The following PTN variants were observed in gnomAD, a reference collection of about 807,000 sequenced individuals.
The protein encoded by PTN is heparin affin regulatory protein.
A neutral mutation model predicts 24.1 loss-of-function variants in PTN; 18 were observed. The ratio of observed to expected loss-of-function variants is 0.75; its 90% CI spans 0.52 to 1.11. The LOEUF is 1.11. PTN is among the 50% of genes least tolerant of loss of function. PTN has a pLI of 0.00. For missense variants in PTN, 163 were observed against 198.8 expected (o/e 0.82, Z 1.08); for synonymous variants, 78 against 68.6 (o/e 1.14, Z -0.67).
intron 1 of PTN, among the ~76,000 whole-genome samples, chr7:137,280,761 A>G (rs1308507687): frequency 1.4e-5 from 2 of 142,602 alleles, no homozygotes; most frequent in African/African-American, 5.1e-5. Context: ...AATCCCAGCT[A>G]CTTGGGAGGC....
At chr7:137,236,160 C>T (rs10260484) in intron 4 of PTN, 19 of 701,916 alleles carry the variant, frequency 2.7e-5, no homozygotes, top group African/African-American at 5.2e-5. Flanking sequence ...CATCAGTAGA[C>T]GAATCCATCT....
At chr7:137,264,180 C>T (rs1809096606) in intron 1 of PTN, among the ~76,000 whole-genome samples, 1 of 152,076 alleles carries the variant, frequency 6.6e-6, no homozygotes, top group Non-Finnish European at 1.5e-5. Flanking sequence ...TGTTACAGTT[C>T]CTCCACAAAC....
At chr7:137,298,256 T>C (rs958450350) in intron 1 of PTN, among the ~76,000 whole-genome samples, 1 of 152,022 alleles carries the variant, frequency 6.6e-6, no homozygotes, top group African/African-American at 2.4e-5. Context: ...TCTGTATTCA[T>C]TAGTTCGGTA....
chr7:137,303,894 C>A (rs1179293306), intron 1 of PTN, among the ~76,000 whole-genome samples: 1 of 151,914 alleles, frequency 6.6e-6, no homozygotes, highest in African/African-American at 2.4e-5. Flanking sequence ...TAAGAAGTGA[C>A]AATAAATTGC....
chr7:137,255,405 T>C (rs1209380454), intron 1 of PTN, among the ~76,000 whole-genome samples: 1 of 152,176 alleles, frequency 6.6e-6, no homozygotes, highest in Non-Finnish European at 1.5e-5. Context: ...ACAAGACCAA[T>C]TTGAGTAGAC....
intron 1 of PTN, among the ~76,000 whole-genome samples, chr7:137,309,532 C>A (rs778295976): frequency 6.6e-6 from 1 of 152,150 alleles, no homozygotes; most frequent in Non-Finnish European, 1.5e-5. Flanking sequence ...ATTTTACCCA[C>A]AGGAGAACTT....
intron 1 of PTN, among the ~76,000 whole-genome samples, chr7:137,256,960 T>C (rs1808937882): frequency 6.6e-6 from 1 of 152,140 alleles, no homozygotes; most frequent in Middle Eastern, 3.2e-3. Context: ...CACAGTGAGA[T>C]ACCATCTCAA....
chr7:137,269,519 C>T (rs980324684), intron 1 of PTN, among the ~76,000 whole-genome samples: 2 of 151,790 alleles, frequency 1.3e-5, no homozygotes, highest in African/African-American at 4.8e-5. Context: ...GGTTTGCTCC[C>T]GTTCACTTTT....
At chr7:137,282,672 C>T (rs1448825463) in intron 1 of PTN, among the ~76,000 whole-genome samples, 1 of 152,134 alleles carries the variant, frequency 6.6e-6, no homozygotes, top group Admixed American at 6.5e-5. Context: ...CACAACAAAG[C>T]ATTACATTAA....
chr7:137,235,340 C>T (rs1808500740), intron 4 of PTN, among the ~76,000 whole-genome samples: 3 of 152,064 alleles, frequency 2.0e-5, no homozygotes, highest in Non-Finnish European at 2.9e-5. Flanking sequence ...CAAGGCTTGT[C>T]GAATTGTGAA....
At chr7:137,228,130 C>T in intron 4 of PTN, 55 bp from the exon 5 acceptor site, 4 of 1,165,690 alleles carry the variant, frequency 3.4e-6, no homozygotes, top group Non-Finnish European at 5.1e-6. Flanking sequence ...TGTCAAGTTA[C>T]TAAATTGCAG....
At chr7:137,286,115 T>C (rs1332345032) in intron 1 of PTN, among the ~76,000 whole-genome samples, 7 of 152,310 alleles carry the variant, frequency 4.6e-5, no homozygotes, top group African/African-American at 1.7e-4. Flanking sequence ...TCATTTAGGG[T>C]GGAGTCAAAT....
intron 4 of PTN, among the ~76,000 whole-genome samples, chr7:137,234,877 C>T (rs986950285): frequency 2.0e-5 from 3 of 151,984 alleles, no homozygotes; most frequent in Non-Finnish European, 2.9e-5. Flanking sequence ...GACTCAGGCC[C>T]TGTTCGCTGC....
At chr7:137,238,748 A>G (rs948331320) in intron 4 of PTN, among the ~76,000 whole-genome samples, 6 of 152,182 alleles carry the variant, frequency 3.9e-5, no homozygotes, top group African/African-American at 7.2e-5. Flanking sequence ...AAATAAAACT[A>G]CTTTAGCTGC....
intron 4 of PTN, among the ~76,000 whole-genome samples, chr7:137,233,675 T>A (rs549269043): frequency 6.6e-6 from 1 of 151,904 alleles, no homozygotes. Context: ...GTTTTCTTGT[T>A]GCTAATTTAC....
At chr7:137,288,400 C>G (rs1809590303) in intron 1 of PTN, among the ~76,000 whole-genome samples, 2 of 152,142 alleles carry the variant, frequency 1.3e-5, no homozygotes. Flanking sequence ...TCCCTCAGTT[C>G]TCAGGAGACG....
At chr7:137,252,517 C>T (rs887366659) in intron 3 of PTN, among the ~76,000 whole-genome samples, 3 of 151,702 alleles carry the variant, frequency 2.0e-5, no homozygotes, top group Admixed American at 6.6e-5. Flanking sequence ...TTTTAAGGTG[C>T]CCATATACAA....
chr7:137,274,815 A>G (rs1427793922), intron 1 of PTN, among the ~76,000 whole-genome samples: 2 of 152,348 alleles, frequency 1.3e-5, no homozygotes, highest in South Asian at 2.1e-4. Context: ...GTATGATTAT[A>G]ATCATGAAGA....
chr7:137,326,987 T>G (rs1048508123), intron 1 of PTN: 2 of 152,042 alleles, frequency 1.3e-5, no homozygotes, highest in African/African-American at 4.8e-5. Flanking sequence ...AAGGAAACCA[T>G]AGAAAGTTGT....
Sources: gnomAD v4.1 joint callset for allele counts (sites outside exome capture counted in the v4.1 genomes callset) on GRCh38, gnomAD v4.1.1 for gene constraint, MANE v1.5 for transcripts, NCBI Gene and HGNC (gene_info 2026-07-23, HGNC 2026-07-21) for gene names.